GCH1: variants seen among roughly 807,000 people sequenced by gnomAD.
The protein encoded by GCH1 is GTP cyclohydrolase I.
Under a neutral mutation model 25.9 loss-of-function variants are expected in GCH1, and 5 were observed. The ratio of observed to expected loss-of-function variants is 0.19; its 90% CI spans 0.10 to 0.41. The LOEUF is 0.41. Ranked by LOEUF, GCH1 falls within the 10% of genes least tolerant of loss-of-function variation. The pLI, the probability that GCH1 is intolerant of heterozygous loss-of-function variation, is 1.00. For missense variants in GCH1, 261 were observed against 336.5 expected (o/e 0.78, Z 1.75); for synonymous variants, 159 against 129.6 (o/e 1.23, Z -1.54).
chr14:54,858,824 G>A (rs1234221948), intron 3 of GCH1, among the ~76,000 whole-genome samples: 4 of 152,108 alleles, frequency 2.6e-5, no homozygotes, highest in East Asian at 3.8e-4. Context: ...TAAAATATTG[G>A]TGGCTGGGGC....
intron 2 of GCH1, among the ~76,000 whole-genome samples, chr14:54,865,019 G>A (rs2039970776): frequency 7.1e-6 from 1 of 140,340 alleles, no homozygotes; most frequent in Non-Finnish European, 1.5e-5. Flanking sequence ...AAGGTTAAAG[G>A]TTTTCAGAGC....
rs886050545 is a variant in GCH1, at chr14:54,843,302, C to A, written c.*715G>T. The A allele has an allele frequency of 4.5e-4, 603 of 1,342,600 alleles. 1 individual carries two copies. The highest frequency in any genetic ancestry group is 8.3e-4 in the Middle Eastern group (3 of 3,616). The allele number at this position is 1,342,600 out of a possible 1,614,324, so 83.2% of individuals were successfully genotyped here. ...ACTCTAAATGATATTCTTATCAAGG[C>A]ACAGAGAGTTAAATGTCTAAATCCC... On this transcript the variant is annotated 3_prime_UTR_variant, in exon 6 of 6. Coordinates refer to ENST00000491895, the MANE Select transcript of GCH1 (RefSeq NM_000161.3).
At chr14:54,871,043 C>T (rs1189851820) in intron 1 of GCH1, among the ~76,000 whole-genome samples, 1 of 152,236 alleles carries the variant, frequency 6.6e-6, no homozygotes, top group African/African-American at 2.4e-5. Context: ...AATGGACAGA[C>T]TGCCTCCTAA....
At chr14:54,901,187 C>G (rs1320027003) in intron 1 of GCH1, among the ~76,000 whole-genome samples, 1 of 152,146 alleles carries the variant, frequency 6.6e-6, no homozygotes, top group East Asian at 1.9e-4. Context: ...TCGCTCTACA[C>G]TCCTTCAGAG....
intron 1 of GCH1, among the ~76,000 whole-genome samples, chr14:54,866,262 G>A (rs1272273764): frequency 6.6e-6 from 1 of 152,074 alleles, no homozygotes; most frequent in African/African-American, 2.4e-5. Flanking sequence ...TGTCCTGGAT[G>A]CTGAAGAGGG....
chr14:54,881,142 A>T (rs140729408), intron 1 of GCH1, among the ~76,000 whole-genome samples: 11 of 152,056 alleles, frequency 7.2e-5, no homozygotes, highest in Admixed American at 2.0e-4. Context: ...ATATTTTTTT[A>T]AATTAAGGTC....
chr14:54,885,567 AATCCCTGATGTC>A (rs1405936331), intron 1 of GCH1: 1 of 391,460 alleles, frequency 2.6e-6, no homozygotes, highest in South Asian at 2.3e-5. Flanking sequence ...GTGAGGGATG[AATCCCTGATGTC>A]ATCTGCCACC....
chr14:54,887,478 C>T (rs1199155008), intron 1 of GCH1, among the ~76,000 whole-genome samples: 1 of 152,178 alleles, frequency 6.6e-6, no homozygotes, highest in Non-Finnish European at 1.5e-5. Context: ...GACAACTGAC[C>T]TCTCTGATAA....
intron 1 of GCH1, among the ~76,000 whole-genome samples, chr14:54,872,447 C>CA: frequency 6.6e-6 from 1 of 152,130 alleles, no homozygotes; most frequent in Non-Finnish European, 1.5e-5. Flanking sequence ...AACTAACGAG[C>CA]AAAATAACCA....
chr14:54,842,668 T>C lies in GCH1; in HGVS notation c.*1349A>G, dbSNP rs1398934356. The stretch of plus-strand genomic sequence containing the variant: ...AAAGCAAGCATCAAAGTTATTACTT[T>C]TAGGGTAATGGGATGAATTTGAAGA... On this transcript the variant is annotated 3_prime_UTR_variant, in exon 6 of 6. Transcript: ENST00000491895. 1 of 220,478 alleles carries C rather than the reference T, an allele frequency of 4.5e-6. No individual in the cohort carries two copies. Among genetic ancestry groups the C allele is most frequent in the Non-Finnish European group, 8.8e-6 (1 of 113,628 alleles). The allele number at this position is 220,478 out of a possible 1,614,324, so 13.7% of individuals were successfully genotyped here. A position where few individuals can be genotyped will look rare whatever the true frequency, so the allele number is the denominator to read the frequency against.
intron 1 of GCH1, among the ~76,000 whole-genome samples, chr14:54,867,202 T>A (rs1436462676): frequency 6.6e-6 from 1 of 152,182 alleles, no homozygotes; most frequent in Admixed American, 6.5e-5. Flanking sequence ...ATTTGTTTTC[T>A]CTGGCAAAGA....
chr14:54,871,294 G>A (rs1375743856), intron 1 of GCH1, among the ~76,000 whole-genome samples: 2 of 152,230 alleles, frequency 1.3e-5, no homozygotes, highest in Admixed American at 1.3e-4. Flanking sequence ...GGTCCTGACT[G>A]TTAGAAGGAA....
Sources: allele counts gnomAD v4.1 joint callset (sites outside exome capture counted in the v4.1 genomes callset), GRCh38; gene constraint gnomAD v4.1.1; transcripts MANE v1.5; gene names NCBI Gene and HGNC (gene_info 2026-07-23, HGNC 2026-07-21).